The following PTGDS variants were observed in gnomAD, a reference collection of about 807,000 sequenced individuals.
PTGDS encodes the protein prostaglandin-H2 D-isomerase.
PTGDS carries 21 observed loss-of-function variants against 28.4 expected under a neutral mutation model. The ratio of observed to expected loss-of-function variants is 0.74; its 90% confidence interval spans 0.52 to 1.07. The LOEUF (loss-of-function observed/expected upper bound fraction) is 1.07, where lower values mean the gene tolerates loss of function less well. Ranked by LOEUF, PTGDS falls within the 50% of genes least tolerant of loss-of-function variation. The pLI, the probability that PTGDS is intolerant of heterozygous loss-of-function variation, is 0.00. For synonymous variants in PTGDS, 102 were observed against 106.0 expected (o/e 0.96, Z 0.23); for missense variants, 243 against 247.7 (o/e 0.98, Z 0.13).
At chr9:136,978,828 CA>C (rs1830412813) in intron 1 of PTGDS, 164 bp from the exon 2 acceptor site, 1 of 835,000 alleles carries the variant, frequency 1.2e-6, no homozygotes. Flanking sequence ...GGGCGGGGGT[CA>C]GTTCCTGGGG....
chr9:136,979,805 G>A, intron 3 of PTGDS, 141 bp from the exon 4 acceptor site: 3 of 818,682 alleles, frequency 3.7e-6, no homozygotes, highest in Admixed American at 1.8e-5. Context: ...GGCACTGGCT[G>A]GAGAGCAGCC....
In PTGDS at chr9:136,980,082, C is replaced by T. The variant is rs374843947; in HGVS notation, c.448+20C>T. On this transcript the variant is annotated intron_variant, in intron 4 of 6. Transcript: ENST00000371625. Reference sequence around the variant, plus strand: ...TCTACAGTACGTGCCCCGTGGACGCCGCCCACACGCAGGCCTGACCAGAGG... The same window carrying T: ...TCTACAGTACGTGCCCCGTGGACGCTGCCCACACGCAGGCCTGACCAGAGG... 114 of 1,607,508 alleles carry T rather than the reference C, an allele frequency of 7.1e-5. No homozygotes were observed. The highest frequency in any genetic ancestry group is 8.5e-5 in the Non-Finnish European group (100 of 1,176,710).
chr9:136,977,730 G>A, intron 1 of PTGDS, 38 bp downstream of exon 1: 2 of 1,504,030 alleles, frequency 1.3e-6, no homozygotes, highest in Non-Finnish European at 8.9e-7. Flanking sequence ...AGGGCTACAG[G>A]ACCCTGTCAG....
chr9:136,979,905 G>C lies in PTGDS; in HGVS notation c.332-41G>C, dbSNP rs373022378. The C allele has an allele frequency of 4.3e-5, 67 of 1,571,746 alleles. No homozygotes were observed. In the Admixed American group the frequency reaches 1.1e-3, roughly 25 times the overall value. On this transcript the variant is annotated intron_variant, in intron 3 of 6. Transcript: ENST00000371625. ...TTCCCTGAAGCAGAGGTGAGGTTTGGGGGGCTGAGTCCCCGACAGGGTTGT... is the reference window on the plus strand; with the variant it reads ...TTCCCTGAAGCAGAGGTGAGGTTTGCGGGGCTGAGTCCCCGACAGGGTTGT...
chr9:136,979,299 C>G lies in PTGDS; in HGVS notation c.331C>G (p.His111Asp). 2 of 1,608,428 alleles carry G rather than the reference C, an allele frequency of 1.2e-6. No individual in the cohort carries two copies. The highest frequency in any genetic ancestry group is 2.2e-5 in the East Asian group (1 of 44,872). Reference sequence around the variant, plus strand: ...CGGCTCCTACAGCTACCGGAGTCCCCGTGAGTGGGGCCTCCACCGGCCCCC... The same window carrying G: ...CGGCTCCTACAGCTACCGGAGTCCCGGTGAGTGGGGCCTCCACCGGCCCCC... The part of the protein sequence containing the change: ...SLGSYSYRSP[H>D]WGSTYSVSVV... The change falls in exon 3 of 7, where the codon CAC becomes GAC. Residue 111 changes from histidine to aspartate, a missense_variant and splice_region_variant. Coordinates refer to ENST00000371625, the MANE Select transcript of PTGDS (RefSeq NM_000954.6).
intron 3 of PTGDS, 195 bp downstream of exon 3, chr9:136,979,494 A>AG (rs1378242132): frequency 4.0e-6 from 6 of 1,510,826 alleles, no homozygotes; most frequent in South Asian, 1.2e-5. Context: ...CCCTTCCTCC[A>AG]GGGGGTTGGA....
At chr9:136,978,883 G>A in intron 1 of PTGDS, 110 bp from the exon 2 acceptor site, 1 of 1,481,038 alleles carries the variant, frequency 6.8e-7, no homozygotes, top group Non-Finnish European at 9.1e-7. Flanking sequence ...GGGCGTGGGG[G>A]CGGGGCCGGG....
Position 136,979,053 on chromosome 9 carries a change from A to G in PTGDS, c.175A>G (p.Lys59Glu). The G allele has an allele frequency of 6.2e-7, 1 of 1,608,470 alleles. No individual in the cohort carries two copies. The highest frequency in any genetic ancestry group is 8.5e-7 in the Non-Finnish European group (1 of 1,177,168). ...ASNSSWLREK[K>E]AALSMCKSVV... ...CAACTCGAGCTGGCTCCGGGAGAAG[A>G]AGGCGGCGTTGTCCATGTGCAAGTC... Residue 59 changes from lysine (K) to glutamate (E), a missense_variant, in exon 2 of 7, where the codon AAG (lysine) becomes GAG (glutamate). Physicochemically the swap from Lys to Glu is moderately conservative, Grantham distance 56 (BLOSUM62 1). Coordinates refer to ENST00000371625, the MANE Select transcript of PTGDS (RefSeq NM_000954.6).
At chr9:136,980,114 C>T (rs1214342786) in intron 4 of PTGDS, 52 bp downstream of exon 4, 2 of 1,607,456 alleles carry the variant, frequency 1.2e-6, no homozygotes, top group Admixed American at 3.3e-5. Flanking sequence ...GAGGGGGCTC[C>T]CCAAGACCCA....
chr9:136,979,274 C>A lies in PTGDS; in HGVS notation c.306C>A (p.Leu102=). The change falls in exon 3 of 7, where the codon CTC becomes CTA. Residue 102 remains leucine, a synonymous_variant. Transcript: ENST00000371625. ...TGCTGCTGCAGCCCGCGGGGTCCCT[C>A]GGCTCCTACAGCTACCGGAGTCCCC... ...RTMLLQPAGS[L]GSYSYRSPHW... 6.2e-7 allele frequency: 1 copy of A among 1,611,758 alleles called. No homozygotes were observed. The highest frequency in any genetic ancestry group is 8.5e-7 in the Non-Finnish European group (1 of 1,179,400).
chr9:136,977,766 T>C (rs945298984), intron 1 of PTGDS, 74 bp downstream of exon 1: 71 of 1,339,846 alleles, frequency 5.3e-5, no homozygotes, highest in African/African-American at 1.0e-4. Context: ...CGGCTGGGTC[T>C]TCCCCCTGGG....
At chr9:136,978,856 T>G (rs754030966) in intron 1 of PTGDS, 137 bp from the exon 2 acceptor site, 17 of 1,007,592 alleles carry the variant, frequency 1.7e-5, no homozygotes, top group African/African-American at 3.3e-5. Context: ...GTGAGGGGCG[T>G]GGCTGCTCGG....
At chr9:136,980,938 T>A in intron 6 of PTGDS, 83 bp downstream of exon 6, 2 of 1,496,990 alleles carry the variant, frequency 1.3e-6, no homozygotes, top group Non-Finnish European at 1.8e-6. Flanking sequence ...TGCGATGGGA[T>A]GGATCAGGGC....
chr9:136,978,516 C>A (rs1235935170), intron 1 of PTGDS, among the ~76,000 whole-genome samples: 1 of 10,948 alleles, frequency 9.1e-5, no homozygotes, highest in Non-Finnish European at 1.7e-4. Context: ...GCGTGAGGGG[C>A]GGGGCCACCT....
chr9:136,979,276 G>C lies in PTGDS; in HGVS notation c.308G>C (p.Gly103Ala). The C allele has an allele frequency of 6.2e-7, 1 of 1,611,500 alleles. No homozygotes were observed. The highest frequency in any genetic ancestry group is 8.5e-7 in the Non-Finnish European group (1 of 1,179,282). Residue 103 changes from glycine (G) to alanine (A), a missense_variant, in exon 3 of 7, where the codon GGC becomes GCC. Gly to Ala is a moderately conservative substitution (Grantham distance 60, BLOSUM62 0). Transcript: ENST00000371625. ...TMLLQPAGSL[G>A]SYSYRSPHWG... ...CTGCTGCAGCCCGCGGGGTCCCTCG[G>C]CTCCTACAGCTACCGGAGTCCCCGT...
At chr9:136,979,325 T>TG (rs755435458) in intron 3 of PTGDS, 26 bp downstream of exon 3, 7 of 1,600,166 alleles carry the variant, frequency 4.4e-6, no homozygotes, top group Middle Eastern at 1.7e-4. Flanking sequence ...ACCGGCCCCC[T>TG]GGGCCCAGCC....
chr9:136,977,708 G>C lies in PTGDS; in HGVS notation c.114+16G>C, dbSNP rs981901240. ...GCAGGACAAGGTGAGGGGCTTTCCT[G>C]CGTCATCCCCAAGGGCTACAGGACC... is the stretch of plus-strand genomic sequence containing the variant. On this transcript the variant is annotated intron_variant, in intron 1 of 6. Coordinates refer to ENST00000371625, the MANE Select transcript of PTGDS (RefSeq NM_000954.6). 6.4e-7 allele frequency: 1 copy of C among 1,564,064 alleles called. No individual in the cohort carries two copies. The highest frequency in any genetic ancestry group is 1.2e-5 in the South Asian group (1 of 86,452).
rs377155232 is a variant in PTGDS, at chr9:136,980,079, C to T, written c.448+17C>T. 30 of 1,607,718 alleles carry T rather than the reference C, an allele frequency of 1.9e-5. No homozygotes were observed. Among genetic ancestry groups the T allele is most frequent in the East Asian group, 6.7e-5 (3 of 44,846 alleles). On this transcript the variant is annotated intron_variant, in intron 4 of 6. Coordinates refer to ENST00000371625, the MANE Select transcript of PTGDS (RefSeq NM_000954.6). ...CCCTCTACAGTACGTGCCCCGTGGA[C>T]GCCGCCCACACGCAGGCCTGACCAG...
In PTGDS at chr9:136,977,529, C is replaced by T. The variant is rs1830380700; in HGVS notation, c.-50C>T. The stretch of plus-strand genomic sequence containing the variant: ...GCTCCTCCTGCACACCTCCCTCGCT[C>T]TCCCACACCACTGGCACCAGGCCCC... On this transcript the variant is annotated 5_prime_UTR_variant, in exon 1 of 7. Transcript: ENST00000371625. 1.4e-6 allele frequency: 2 copies of T among 1,403,482 alleles called. No individual in the cohort carries two copies. The highest frequency in any genetic ancestry group is 2.0e-6 in the Non-Finnish European group (2 of 1,019,928). 86.9% of individuals were successfully genotyped at this position (1,403,482 alleles called of 1,614,324 possible).
Sources: allele counts gnomAD v4.1 joint callset (sites outside exome capture counted in the v4.1 genomes callset), GRCh38; gene constraint gnomAD v4.1.1; transcripts MANE v1.5; gene names NCBI Gene and HGNC (gene_info 2026-07-23, HGNC 2026-07-21).